SGCD: variants seen among roughly 807,000 people sequenced by gnomAD.
The protein encoded by SGCD is sarcoglycan delta, also known as delta-sarcoglycan.
Under a neutral mutation model 36.6 loss-of-function variants are expected in SGCD, and 18 were observed. The observed-to-expected ratio is 0.49, with a 90% confidence interval of 0.34 to 0.73. The LOEUF (loss-of-function observed/expected upper bound fraction) is 0.73. Ranked by LOEUF, SGCD falls within the 30% of genes least tolerant of loss-of-function variation. The pLI is 0.01. For missense variants in SGCD, 387 were observed against 346.7 expected, an observed-to-expected ratio of 1.12 and a Z score of -0.92; for synonymous variants, 133 against 130.6, an observed-to-expected ratio of 1.02 and a Z score of -0.12.
chr5:155,934,326 G>A (rs906005051), intron 1 of SGCD, among the ~76,000 whole-genome samples: 3 of 152,178 alleles, frequency 2.0e-5, no homozygotes, highest in African/African-American at 7.2e-5. Context: ...GACTTAGTTG[G>A]CATCTTGCTC....
chr5:156,424,301 T>A (rs11135202), intron 3 of SGCD, among the ~76,000 whole-genome samples: 1 of 151,780 alleles, frequency 6.6e-6, no homozygotes, highest in African/African-American at 2.4e-5. Flanking sequence ...TATACTCCTT[T>A]GTAGTTGCCT....
intron 1 of SGCD, among the ~76,000 whole-genome samples, chr5:155,945,292 G>A (rs1757417350): frequency 6.6e-6 from 1 of 152,124 alleles, no homozygotes; most frequent in Non-Finnish European, 1.5e-5. Context: ...AGAAGACAAA[G>A]GACAAGAGGC....
intron 3 of SGCD, among the ~76,000 whole-genome samples, chr5:156,242,248 G>T (rs771974999): frequency 2.0e-5 from 3 of 152,186 alleles, no homozygotes; most frequent in Non-Finnish European, 4.4e-5. Context: ...TAAAAAACAA[G>T]TCAGTCTCAA....
chr5:155,767,934 C>A, the SGCD span, among the ~76,000 whole-genome samples: 1 of 152,088 alleles, frequency 6.6e-6, no homozygotes, highest in East Asian at 1.9e-4. Flanking sequence ...TGTCTGAAAT[C>A]ATGGGTGTGG....
chr5:156,554,891 C>T (rs1413274319), intron 4 of SGCD, among the ~76,000 whole-genome samples: 7 of 152,040 alleles, frequency 4.6e-5, no homozygotes, highest in Non-Finnish European at 1.5e-5. Flanking sequence ...TCCATGTCCT[C>T]ACCAACACTT....
intron 3 of SGCD, among the ~76,000 whole-genome samples, chr5:156,500,498 C>A (rs1756397795): frequency 6.6e-6 from 1 of 152,200 alleles, no homozygotes; most frequent in Non-Finnish European, 1.5e-5. Context: ...GCATTACTTT[C>A]AAGCCTGAAA....
chr5:156,490,694 A>C (rs1416873666), intron 3 of SGCD, among the ~76,000 whole-genome samples: 1 of 151,980 alleles, frequency 6.6e-6, no homozygotes, highest in African/African-American at 2.4e-5. Flanking sequence ...TAGGCATAGA[A>C]GGGACGTACC....
intron 1 of SGCD, among the ~76,000 whole-genome samples, chr5:155,905,868 C>T (rs539358918): frequency 3.9e-5 from 6 of 152,238 alleles, no homozygotes; most frequent in South Asian, 2.1e-4. Flanking sequence ...TCCCCAGCCA[C>T]GTGGAACTGT....
chr5:155,807,644 A>T, the SGCD span, among the ~76,000 whole-genome samples: 2 of 152,374 alleles, frequency 1.3e-5, no homozygotes, highest in Non-Finnish European at 2.9e-5. Flanking sequence ...AGTTTAGCCC[A>T]TGAAATATTT....
At chr5:156,390,560 A>G (rs934573248) in intron 3 of SGCD, among the ~76,000 whole-genome samples, 1 of 152,166 alleles carries the variant, frequency 6.6e-6, no homozygotes, top group Non-Finnish European at 1.5e-5. Context: ...GTGAAACCCC[A>G]TATCTACTAA....
intron 3 of SGCD, among the ~76,000 whole-genome samples, chr5:156,303,078 A>G (rs1188700542): frequency 1.3e-5 from 2 of 152,142 alleles, no homozygotes; most frequent in Non-Finnish European, 2.9e-5. Context: ...CCAACCCTCC[A>G]GCCTTGGACA....
intron 3 of SGCD, among the ~76,000 whole-genome samples, chr5:156,137,211 C>T (rs1230233093): frequency 2.0e-5 from 3 of 152,198 alleles, no homozygotes; most frequent in Non-Finnish European, 4.4e-5. Flanking sequence ...TTCCCTTATG[C>T]CCTTTGAGGC....
At chr5:156,023,968 C>T (rs1449056110) in intron 1 of SGCD, among the ~76,000 whole-genome samples, 3 of 152,190 alleles carry the variant, frequency 2.0e-5, no homozygotes, top group African/African-American at 7.2e-5. Flanking sequence ...GCATCCCTGT[C>T]AGAAAGGCTC....
intron 1 of SGCD, among the ~76,000 whole-genome samples, chr5:155,909,624 GA>G (rs1305022545): frequency 6.6e-6 from 1 of 152,094 alleles, no homozygotes; most frequent in African/African-American, 2.4e-5. Flanking sequence ...TAAATAATAG[GA>G]ATTGCTTCCA....
intron 3 of SGCD, among the ~76,000 whole-genome samples, chr5:156,384,985 G>A (rs1038255142): frequency 3.3e-5 from 5 of 152,194 alleles, no homozygotes; most frequent in African/African-American, 1.2e-4. Flanking sequence ...GCACACCAAT[G>A]CTGGGTGGGC....
intron 6 of SGCD, among the ~76,000 whole-genome samples, chr5:156,645,194 C>A (rs1213312117): frequency 6.6e-6 from 1 of 152,050 alleles, no homozygotes; most frequent in Non-Finnish European, 1.5e-5. Context: ...TGTTTATGAA[C>A]ATTTATTGCC....
At chr5:156,720,975 T>C (rs569337706) in intron 7 of SGCD, among the ~76,000 whole-genome samples, 1 of 152,246 alleles carries the variant, frequency 6.6e-6, no homozygotes, top group Non-Finnish European at 1.5e-5. Context: ...TTTGAATATA[T>C]ATTGAATGCA....
upstream of SGCD, among the ~76,000 whole-genome samples, chr5:155,867,997 C>G (rs1755554056): frequency 6.6e-6 from 1 of 151,864 alleles, no homozygotes; most frequent in African/African-American, 2.4e-5. Context: ...GGAAAATGTT[C>G]AAAAAGGGCT....
chr5:155,805,839 A>T, the SGCD span, among the ~76,000 whole-genome samples: 2 of 152,184 alleles, frequency 1.3e-5, no homozygotes, highest in Admixed American at 6.5e-5. Context: ...TTACACTAGG[A>T]CAACCACAGG....
Sources: gnomAD v4.1 joint callset for allele counts (sites outside exome capture counted in the v4.1 genomes callset) on GRCh38, gnomAD v4.1.1 for gene constraint, MANE v1.5 for transcripts, NCBI Gene and HGNC (gene_info 2026-07-23, HGNC 2026-07-21) for gene names.